The following PCDH9 variants were observed in gnomAD, a reference collection of about 807,000 sequenced individuals.
PCDH9 encodes protocadherin 9.
Under a neutral mutation model 70.6 loss-of-function variants are expected in PCDH9, and 24 were observed. The observed-to-expected ratio is 0.34, with a 90% CI of 0.25 to 0.48. The LOEUF (loss-of-function observed/expected upper bound fraction) is 0.48. PCDH9 is among the 20% of genes least tolerant of loss of function. The pLI, the probability that PCDH9 is intolerant of heterozygous loss-of-function variation, is 0.99. For missense variants in PCDH9, 1,281 were observed against 1,503.6 expected (o/e 0.85, Z 2.45); for synonymous variants, 562 against 558.5 (o/e 1.01, Z -0.09).
At chr13:66,894,956 T>TA (rs2082152787) in intron 3 of PCDH9, among the ~76,000 whole-genome samples, 1 of 151,950 alleles carries the variant, frequency 6.6e-6, no homozygotes, top group African/African-American at 2.4e-5. Context: ...TACAGGCATG[T>TA]ACCACCATGC....
intron 4 of PCDH9, among the ~76,000 whole-genome samples, chr13:66,357,170 C>T (rs899399625): frequency 1.3e-5 from 2 of 151,986 alleles, no homozygotes; most frequent in Non-Finnish European, 2.9e-5. Context: ...ACTCAGAAGT[C>T]CTACCCTAAC....
chr13:66,893,339 G>T (rs1358153491), intron 3 of PCDH9, among the ~76,000 whole-genome samples: 1 of 152,114 alleles, frequency 6.6e-6, no homozygotes, highest in Non-Finnish European at 1.5e-5. Flanking sequence ...GAATCAGAGG[G>T]CTAGTCTCCA....
intron 3 of PCDH9, among the ~76,000 whole-genome samples, chr13:66,803,104 GAA>G (rs5804296): frequency 6.6e-6 from 1 of 151,386 alleles, no homozygotes; most frequent in East Asian, 1.9e-4. Flanking sequence ...TCATTCCTAT[GAA>G]AAAAAAATTG....
chr13:66,408,125 C>T (rs571411515), intron 4 of PCDH9, among the ~76,000 whole-genome samples: 57 of 146,178 alleles, frequency 3.9e-4, no homozygotes, highest in Non-Finnish European at 8.0e-4. Flanking sequence ...GTGGCGCAAT[C>T]TCGGCTCACT....
At chr13:66,306,912 A>G (rs1955478028) in intron 4 of PCDH9, among the ~76,000 whole-genome samples, 1 of 152,064 alleles carries the variant, frequency 6.6e-6, no homozygotes, top group Non-Finnish European at 1.5e-5. Flanking sequence ...GTGACTCTGC[A>G]TTCACAAAGC....
rs1418270307 is a variant in PCDH9 at position 66,400,845 on chromosome 13, G to A, written c.3341-95817C>T. 2.6e-5 allele frequency among the ~76,000 whole-genome samples: 4 copies of A among 152,100 alleles called. 1 individual carries two copies. Among genetic ancestry groups the A allele is most frequent in the Middle Eastern group, 6.3e-3 (2 of 316 alleles). On this transcript the variant is annotated intron_variant, in intron 4 of 4. Transcript: ENST00000377865. Reference sequence around the variant, plus strand: ...ATCTAAGGAAAAAAAATAGTCTAGTGGATTCCAAGACTCTTCAGTCAGTGA... The same window carrying A: ...ATCTAAGGAAAAAAAATAGTCTAGTAGATTCCAAGACTCTTCAGTCAGTGA...
At chr13:66,849,135 A>G (rs535065596) in intron 3 of PCDH9, among the ~76,000 whole-genome samples, 1 of 152,010 alleles carries the variant, frequency 6.6e-6, no homozygotes, top group South Asian at 2.1e-4. Context: ...AAAGATTTCT[A>G]TTGCTTAATT....
chr13:66,618,216 T>C (rs1027739207), intron 4 of PCDH9, among the ~76,000 whole-genome samples: 3 of 152,202 alleles, frequency 2.0e-5, no homozygotes, highest in African/African-American at 4.8e-5. Context: ...TGAAGTTTTG[T>C]GGCGGTGGGA....
At chr13:67,058,675 A>G (rs1207858067) in intron 2 of PCDH9, among the ~76,000 whole-genome samples, 2 of 152,156 alleles carry the variant, frequency 1.3e-5, no homozygotes, top group Non-Finnish European at 2.9e-5. Context: ...AATGTCAAAT[A>G]GAAACACTGT....
intron 3 of PCDH9, among the ~76,000 whole-genome samples, chr13:66,837,657 A>G (rs1037496960): frequency 2.6e-5 from 4 of 152,258 alleles, no homozygotes. Flanking sequence ...TTCTGTTCTT[A>G]TTTCCAATGT....
intron 2 of PCDH9, among the ~76,000 whole-genome samples, chr13:67,018,701 C>G (rs2084613854): frequency 6.6e-6 from 1 of 151,832 alleles, no homozygotes; most frequent in Admixed American, 6.6e-5. Context: ...TGACGAGGCT[C>G]CCAGAAAGAA....
intron 2 of PCDH9, among the ~76,000 whole-genome samples, chr13:67,002,859 T>G (rs2084272661): frequency 6.6e-6 from 1 of 152,132 alleles, no homozygotes; most frequent in Non-Finnish European, 1.5e-5. Context: ...ATTATCAGGC[T>G]ATCTGATCTA....
At chr13:66,403,100 A>G (rs888240379) in intron 4 of PCDH9, among the ~76,000 whole-genome samples, 1 of 151,850 alleles carries the variant, frequency 6.6e-6, no homozygotes, top group African/African-American at 2.4e-5. Context: ...ACTGTCAAAA[A>G]AAAAGGCTCC....
At chr13:66,916,028 T>C (rs1032642645) in intron 2 of PCDH9, among the ~76,000 whole-genome samples, 1 of 151,598 alleles carries the variant, frequency 6.6e-6, no homozygotes, top group African/African-American at 2.4e-5. Context: ...CAGATTTTTT[T>C]CCTCACCTCT....
intron 4 of PCDH9, among the ~76,000 whole-genome samples, chr13:66,575,317 T>A (rs961198920): frequency 6.6e-6 from 1 of 152,176 alleles, no homozygotes; most frequent in African/African-American, 2.4e-5. Flanking sequence ...CTGTCATACC[T>A]CTGAGAGTTC....
At chr13:67,157,058 C>T (rs2087832734) in intron 2 of PCDH9, among the ~76,000 whole-genome samples, 1 of 152,122 alleles carries the variant, frequency 6.6e-6, no homozygotes, top group Admixed American at 6.6e-5. Flanking sequence ...ATTTCTTTTG[C>T]TTTATAAAAT....
At chr13:66,412,978 G>T (rs1486700338) in intron 4 of PCDH9, among the ~76,000 whole-genome samples, 2 of 152,150 alleles carry the variant, frequency 1.3e-5, no homozygotes, top group Admixed American at 1.3e-4. Flanking sequence ...TATTTTCAGT[G>T]GGGTCTGTAG....
chr13:66,780,145 A>G (rs1405156747), intron 3 of PCDH9, among the ~76,000 whole-genome samples: 1 of 151,938 alleles, frequency 6.6e-6, no homozygotes, highest in Admixed American at 6.6e-5. Context: ...GATGATGCAT[A>G]AGTATGATTA....
chr13:66,352,984 T>G (rs970692985), intron 4 of PCDH9, among the ~76,000 whole-genome samples: 2 of 152,116 alleles, frequency 1.3e-5, no homozygotes, highest in African/African-American at 4.8e-5. Flanking sequence ...TCAATACAAA[T>G]GTACATAGAG....
Sources: allele counts gnomAD v4.1 joint callset (sites outside exome capture counted in the v4.1 genomes callset), GRCh38; gene constraint gnomAD v4.1.1; transcripts MANE v1.5; gene names NCBI Gene and HGNC (gene_info 2026-07-23, HGNC 2026-07-21).